The following GPATCH8 variants were observed in gnomAD, a reference collection of about 807,000 sequenced individuals.
The protein encoded by GPATCH8 is G patch domain-containing protein 8.
GPATCH8 carries 18 observed loss-of-function variants against 118.3 expected under a neutral mutation model. That is an observed-to-expected ratio of 0.15 (90% CI 0.11 to 0.23). The LOEUF (loss-of-function observed/expected upper bound fraction) is 0.23. Among genes scored for constraint, GPATCH8 ranks in the 10% least tolerant of loss-of-function variants. The pLI is 1.00. For synonymous variants in GPATCH8, 659 were observed against 684.7 expected, an observed-to-expected ratio of 0.96 and a Z score of 0.59; for missense variants, 1,631 against 1,873.8, an observed-to-expected ratio of 0.87 and a Z score of 2.39.
chr17:44,420,573 G>A (rs1432121518), intron 6 of GPATCH8, among the ~76,000 whole-genome samples: 5 of 152,158 alleles, frequency 3.3e-5, no homozygotes, highest in African/African-American at 9.7e-5. Context: ...TGCCTCCAGA[G>A]TGACAAAATC....
At chr17:44,490,810 A>G (rs1440642336) in intron 1 of GPATCH8, among the ~76,000 whole-genome samples, 2 of 152,232 alleles carry the variant, frequency 1.3e-5, no homozygotes, top group Admixed American at 6.5e-5. Context: ...TTATTAAAAT[A>G]CACAGTAGCT....
chr17:44,493,054 G>GTT (rs398039127), intron 1 of GPATCH8, among the ~76,000 whole-genome samples: 14 of 124,396 alleles, frequency 1.1e-4, no homozygotes, highest in Admixed American at 3.6e-4. Flanking sequence ...AAGCCATTAG[G>GTT]TTTTTTTTTT....
intron 3 of GPATCH8, among the ~76,000 whole-genome samples, chr17:44,450,904 C>A (rs370287138): frequency 6.6e-6 from 1 of 152,152 alleles, no homozygotes; most frequent in Non-Finnish European, 1.5e-5. Flanking sequence ...AGACTTTTCA[C>A]TTGTTAATTA....
chr17:44,487,922 CTTTTTTTTT>C (rs1243028763), intron 1 of GPATCH8, among the ~76,000 whole-genome samples: 1 of 135,958 alleles, frequency 7.4e-6, no homozygotes, highest in Non-Finnish European at 1.6e-5. Context: ...AACCAATTAG[CTTTTTTTTT>C]TTTTTTTTTG....
chr17:44,501,416 C>CA (rs10712611), intron 1 of GPATCH8, among the ~76,000 whole-genome samples: 17 of 146,364 alleles, frequency 1.2e-4, no homozygotes, highest in South Asian at 4.4e-4. Flanking sequence ...GACTCCATTT[C>CA]AAAAAAAAAA....
chr17:44,503,054 C>T (rs1013117032), intron 1 of GPATCH8, among the ~76,000 whole-genome samples: 2 of 152,218 alleles, frequency 1.3e-5, no homozygotes, highest in Non-Finnish European at 2.9e-5. Flanking sequence ...GCCCCTCACA[C>T]GGCGCTCAGG....
intron 1 of GPATCH8, among the ~76,000 whole-genome samples, chr17:44,477,030 CT>C (rs1469676747): frequency 2.0e-5 from 3 of 152,124 alleles, no homozygotes; most frequent in Non-Finnish European, 4.4e-5. Flanking sequence ...AGACTTCAGT[CT>C]TTTGGTCTAG....
rs776212033 is a variant in GPATCH8, at chr17:44,422,171, A to G, written c.492+2178T>C. 3.3e-5 allele frequency among the ~76,000 whole-genome samples: 5 copies of G among 152,108 alleles called. No individual in the cohort carries two copies. The East Asian group carries it at 5.8e-4, about 18-fold the overall frequency. On this transcript the variant is annotated intron_variant, in intron 6 of 7. Coordinates refer to ENST00000591680, the MANE Select transcript of GPATCH8 (RefSeq NM_001002909.4). Reference sequence around the variant, plus strand: ...GTCTTAATTAAATAAAGATAATCTGAAAGAGTTTTTTATTTGTTTTGTTTT... The same window carrying G: ...GTCTTAATTAAATAAAGATAATCTGGAAGAGTTTTTTATTTGTTTTGTTTT...
chr17:44,402,348 A>T (rs1262410124), intron 7 of GPATCH8, among the ~76,000 whole-genome samples: 1 of 151,080 alleles, frequency 6.6e-6, no homozygotes, highest in Non-Finnish European at 1.5e-5. Flanking sequence ...AAAAAAAAAA[A>T]GTAAGACTTA....
In GPATCH8 at chr17:44,398,875, T is replaced by C. The variant is rs748926173; in HGVS notation, c.3202A>G (p.Ser1068Gly). Residue 1068 changes from serine (S) to glycine (G), a missense_variant, in exon 8 of 8, where the codon AGC becomes GGC. This residue lies in a region of GPATCH8 where 922 missense variants were observed against 879.7 expected (regional missense o/e 1.05). Coordinates refer to ENST00000591680, the MANE Select transcript of GPATCH8 (RefSeq NM_001002909.4). The stretch of plus-strand genomic sequence containing the variant: ...GACCCTCTTCCTGTGCCAATGTTGC[T>C]GTTCTGGGAAGGTGGACCTGTTGCT... ...SKATGPPSQN[S>G]NIGTGRGSEG... 4 of 1,614,082 alleles carry C rather than the reference T, an allele frequency of 2.5e-6. No homozygotes were observed. Among genetic ancestry groups the C allele is most frequent in the Admixed American group, 3.3e-5 (2 of 60,020 alleles).
intron 2 of GPATCH8, among the ~76,000 whole-genome samples, chr17:44,466,100 C>T (rs1239142059): frequency 6.6e-6 from 1 of 152,106 alleles, no homozygotes; most frequent in Non-Finnish European, 1.5e-5. Flanking sequence ...TAACTGCAGC[C>T]TTGACCTCCT....
intron 5 of GPATCH8, among the ~76,000 whole-genome samples, chr17:44,424,761 A>C (rs11079133): frequency 0.53 from 81,133 of 151,654 alleles, 22,383 homozygotes; most frequent in Middle Eastern, 0.62. Context: ...CAAAACCCCC[A>C]AAAAATCTGA....
rs774112681 is a variant in GPATCH8, at chr17:44,395,538, A to G, written c.*2030T>C. 5 of 454,362 alleles carry G rather than the reference A, an allele frequency of 1.1e-5. No homozygotes were observed. Among genetic ancestry groups the G allele is most frequent in the Non-Finnish European group, 2.2e-5 (5 of 226,782 alleles). The allele number at this position is 454,362 out of a possible 1,614,324, so 28.1% of individuals were successfully genotyped here. A position where few individuals can be genotyped will look rare whatever the true frequency, so the allele number is the denominator to read the frequency against. On this transcript the variant is annotated 3_prime_UTR_variant, in exon 8 of 8. Coordinates refer to ENST00000591680, the MANE Select transcript of GPATCH8 (RefSeq NM_001002909.4). ...TGTTAATACTGTATTATTTATTTAC[A>G]TGGGCTGAAAGCAAAGAAAAATGAG...
intron 3 of GPATCH8, chr17:44,436,883 C>A: frequency 3.3e-6 from 1 of 300,146 alleles, no homozygotes; most frequent in Non-Finnish European, 6.4e-6. Flanking sequence ...CAAATAACTT[C>A]CCATCAAGTA....
intron 6 of GPATCH8, among the ~76,000 whole-genome samples, chr17:44,420,165 T>C (rs2143854215): frequency 6.6e-6 from 1 of 152,258 alleles, no homozygotes. Context: ...TCTGTATTAG[T>C]GAACAGGCAG....
rs146492989 is a variant in GPATCH8 at position 44,469,997 on chromosome 17, G to A, written c.120+4832C>T. On this transcript the variant is annotated intron_variant, in intron 2 of 7. Transcript: ENST00000591680. The stretch of plus-strand genomic sequence containing the variant: ...CTTAAGATGCGCAAACTAAACATCA[G>A]CAACTGGAGTTTGAAGCTTACACTA... Among the ~76,000 whole-genome samples, 759 of 152,232 alleles carry A rather than the reference G, an allele frequency of 5.0e-3. 4 individuals carry two copies. The highest frequency in any genetic ancestry group is 7.7e-3 in the Non-Finnish European group (522 of 68,020).
intron 5 of GPATCH8, among the ~76,000 whole-genome samples, chr17:44,432,735 T>C (rs745622850): frequency 6.6e-6 from 1 of 151,662 alleles, no homozygotes; most frequent in African/African-American, 2.4e-5. Flanking sequence ...TATAGGAGAA[T>C]AAAGGAGTGA....
intron 3 of GPATCH8, 194 bp from the exon 4 acceptor site, chr17:44,436,739 T>A (rs968192524): frequency 8.8e-6 from 5 of 570,960 alleles, no homozygotes; most frequent in Non-Finnish European, 1.2e-5. Context: ...ATTAACCACC[T>A]TGGCTGACGT....
intron 6 of GPATCH8, among the ~76,000 whole-genome samples, chr17:44,415,787 G>C (rs2049654377): frequency 6.6e-6 from 1 of 152,168 alleles, no homozygotes; most frequent in African/African-American, 2.4e-5. Flanking sequence ...GATAAATTAA[G>C]TGTAAGGGGC....
Sources: gnomAD v4.1 joint callset for allele counts (sites outside exome capture counted in the v4.1 genomes callset) on GRCh38, gnomAD v4.1.1 for gene constraint, gnomAD v4.1.1 regional missense constraint, MANE v1.5 for transcripts, NCBI Gene and HGNC (gene_info 2026-07-23, HGNC 2026-07-21) for gene names.